The following GRIA1 variants were observed in gnomAD, a reference collection of about 807,000 sequenced individuals.
GRIA1 encodes the protein glutamate ionotropic receptor AMPA type subunit 1, also known as glutamate receptor 1.
In GRIA1, 31 loss-of-function variants were observed where a neutral mutation model predicts 99.2. The ratio of observed to expected loss-of-function variants is 0.31; its 90% CI spans 0.23 to 0.42. GRIA1 has a LOEUF of 0.42. Among genes scored for constraint, GRIA1 ranks in the 10% least tolerant of loss-of-function variants. GRIA1 has a pLI of 1.00. For synonymous variants in GRIA1, 438 were observed against 432.4 expected (o/e 1.01, Z -0.16); for missense variants, 782 against 1,157.5 (o/e 0.68, Z 4.71).
intron 5 of GRIA1, among the ~76,000 whole-genome samples, chr5:153,657,320 A>C (rs1038325947): frequency 6.6e-6 from 1 of 152,218 alleles, no homozygotes; most frequent in African/African-American, 2.4e-5. Flanking sequence ...AAATTTTTCC[A>C]TGTGACAGTT....
chr5:153,726,852 T>C (rs943095596), intron 11 of GRIA1, among the ~76,000 whole-genome samples: 3 of 152,104 alleles, frequency 2.0e-5, no homozygotes, highest in Non-Finnish European at 2.9e-5. Flanking sequence ...TTCCAATCAA[T>C]AGAAAAAGAG....
At chr5:153,594,190 C>CT in intron 2 of GRIA1, among the ~76,000 whole-genome samples, 1 of 152,228 alleles carries the variant, frequency 6.6e-6, no homozygotes, top group South Asian at 2.1e-4. Flanking sequence ...AGACAATCGC[C>CT]TTTTTTAATT....
At chr5:153,580,648 C>T (rs1283836664) in intron 2 of GRIA1, among the ~76,000 whole-genome samples, 2 of 152,156 alleles carry the variant, frequency 1.3e-5, no homozygotes, top group Non-Finnish European at 2.9e-5. Flanking sequence ...TATTTTGTAA[C>T]ATTCTACTCA....
At chr5:153,642,251 A>C (rs1753823295) in intron 2 of GRIA1, among the ~76,000 whole-genome samples, 1 of 152,150 alleles carries the variant, frequency 6.6e-6, no homozygotes, top group Admixed American at 6.5e-5. Context: ...TTAAGGACTC[A>C]AGCTCTGTCG....
intron 2 of GRIA1, among the ~76,000 whole-genome samples, chr5:153,622,089 C>T (rs994185365): frequency 2.6e-5 from 4 of 152,168 alleles, no homozygotes; most frequent in South Asian, 2.1e-4. Context: ...GCACCAGCAG[C>T]GTGAGCATCT....
chr5:153,802,773 C>G (rs13186102), intron 15 of GRIA1, among the ~76,000 whole-genome samples: 2 of 152,022 alleles, frequency 1.3e-5, no homozygotes, highest in African/African-American at 4.8e-5. Flanking sequence ...GGATAGGTAG[C>G]GCAGCGAGAG....
intron 11 of GRIA1, among the ~76,000 whole-genome samples, chr5:153,747,055 G>A (rs11167639): frequency 0.4 from 61,256 of 152,060 alleles, 13,594 homozygotes; most frequent in East Asian, 0.94. Context: ...TTTAACAAAA[G>A]GGGATGTGTT....
At chr5:153,597,154 G>A (rs1764504694) in intron 2 of GRIA1, among the ~76,000 whole-genome samples, 1 of 152,222 alleles carries the variant, frequency 6.6e-6, no homozygotes, top group Non-Finnish European at 1.5e-5. Flanking sequence ...GCTCTGCAGA[G>A]CCTTAAGCCC....
chr5:153,513,661 A>G (rs1756326476), intron 2 of GRIA1, among the ~76,000 whole-genome samples: 1 of 152,164 alleles, frequency 6.6e-6, no homozygotes, highest in South Asian at 2.1e-4. Context: ...GTTTCCCTCC[A>G]TGACCCTGAG....
intron 2 of GRIA1, among the ~76,000 whole-genome samples, chr5:153,627,877 C>T (rs1767787730): frequency 6.6e-6 from 1 of 152,022 alleles, no homozygotes; most frequent in South Asian, 2.1e-4. Flanking sequence ...CAGCATCACT[C>T]AGAAAGCCTT....
chr5:153,680,805 ACT>A (rs1260973607), intron 7 of GRIA1, among the ~76,000 whole-genome samples: 2 of 152,208 alleles, frequency 1.3e-5, no homozygotes, highest in Non-Finnish European at 2.9e-5. Context: ...GAATGCCATC[ACT>A]GAGGAATGCA....
intron 11 of GRIA1, among the ~76,000 whole-genome samples, chr5:153,719,535 C>T (rs1759907800): frequency 6.6e-6 from 1 of 151,998 alleles, no homozygotes; most frequent in South Asian, 2.1e-4. Context: ...TACACGTGCC[C>T]TCTCCTGGCT....
chr5:153,694,347 CA>C (rs967785778), intron 8 of GRIA1, among the ~76,000 whole-genome samples: 10 of 152,210 alleles, frequency 6.6e-5, no homozygotes, highest in African/African-American at 2.4e-4. Context: ...ACATTCTATA[CA>C]TAAAGAAGGG....
intron 2 of GRIA1, among the ~76,000 whole-genome samples, chr5:153,514,458 C>T (rs1483034268): frequency 6.6e-6 from 1 of 152,160 alleles, no homozygotes; most frequent in African/African-American, 2.4e-5. Context: ...TCCTTTTCCC[C>T]TTGTGTGCTC....
intron 2 of GRIA1, among the ~76,000 whole-genome samples, chr5:153,531,128 G>C (rs1049498631): frequency 6.6e-6 from 1 of 152,126 alleles, no homozygotes. Flanking sequence ...GATAATAGTG[G>C]GGAAAAATAT....
intron 2 of GRIA1, among the ~76,000 whole-genome samples, chr5:153,509,606 C>T (rs1755861041): frequency 6.6e-6 from 1 of 152,136 alleles, no homozygotes; most frequent in South Asian, 2.1e-4. Context: ...ATAAATATTT[C>T]CAGGGCAATA....
chr5:153,606,842 C>T (rs1765479403), intron 2 of GRIA1, among the ~76,000 whole-genome samples: 1 of 150,584 alleles, frequency 6.6e-6, no homozygotes. Flanking sequence ...CCAACTTGAC[C>T]ATAATATCTC....
intron 11 of GRIA1, among the ~76,000 whole-genome samples, chr5:153,735,242 A>C (rs971855272): frequency 1.3e-5 from 2 of 152,168 alleles, no homozygotes; most frequent in African/African-American, 4.8e-5. Context: ...AACCCCTCAG[A>C]TACTGAGTTA....
chr5:153,491,188 T>TA, intron 1 of GRIA1: 1 of 1,146,236 alleles, frequency 8.7e-7, no homozygotes, highest in Non-Finnish European at 1.2e-6. Flanking sequence ...CACGCACACA[T>TA]ACCCTACTCG....
Sources: gnomAD v4.1 joint callset for allele counts (sites outside exome capture counted in the v4.1 genomes callset) on GRCh38, gnomAD v4.1.1 for gene constraint, MANE v1.5 for transcripts, NCBI Gene and HGNC (gene_info 2026-07-23, HGNC 2026-07-21) for gene names.